The following CCDC81 variants were observed in gnomAD, a reference collection of about 807,000 sequenced individuals.
CCDC81 encodes coiled-coil domain-containing protein 81.
In CCDC81, 79 loss-of-function variants were observed where a neutral mutation model predicts 83.7. The ratio of observed to expected loss-of-function variants is 0.94; its 90% CI spans 0.79 to 1.14. The LOEUF (loss-of-function observed/expected upper bound fraction) is 1.14. Ranked by LOEUF, CCDC81 falls within the 50% of genes most tolerant of loss-of-function variation. The pLI is 0.00. For synonymous variants in CCDC81, 252 were observed against 278.1 expected, an observed-to-expected ratio of 0.91 and a Z score of 0.93; for missense variants, 791 against 778.1, an observed-to-expected ratio of 1.02 and a Z score of -0.20.
chr11:86,395,440 CT>C, intron 5 of CCDC81, 27 bp downstream of exon 5: 1 of 1,581,534 alleles, frequency 6.3e-7, no homozygotes, highest in Non-Finnish European at 8.7e-7. Context: ...ACGGGTTCCT[CT>C]AGGCACTAGC....
intron 1 of CCDC81, among the ~76,000 whole-genome samples, chr11:86,378,726 C>G (rs115288635): frequency 0.045 from 6,807 of 152,216 alleles, 171 homozygotes; most frequent in Middle Eastern, 0.12. Flanking sequence ...ATGTAATGCT[C>G]TTTATTTCTG....
chr11:86,408,390 T>C, intron 9 of CCDC81, 120 bp downstream of exon 9: 1 of 914,592 alleles, frequency 1.1e-6, no homozygotes, highest in South Asian at 2.4e-5. Context: ...TGGAATGCAG[T>C]GGCACAACCT....
At chr11:86,393,985 T>C (rs970185135) in intron 4 of CCDC81, among the ~76,000 whole-genome samples, 2 of 152,186 alleles carry the variant, frequency 1.3e-5, no homozygotes, top group Non-Finnish European at 2.9e-5. Flanking sequence ...ATTTAGGAAA[T>C]GAAGTTGTGC....
intron 5 of CCDC81, 149 bp downstream of exon 5, chr11:86,395,562 G>A: frequency 1.6e-6 from 1 of 631,302 alleles, no homozygotes; most frequent in Non-Finnish European, 2.8e-6. Context: ...CACCAACAAA[G>A]AAGAGTTTAT....
At chr11:86,415,400 C>A in intron 13 of CCDC81, 87 bp downstream of exon 13, 1 of 952,818 alleles carries the variant, frequency 1.0e-6, no homozygotes. Flanking sequence ...GTCCCTGCCC[C>A]TCATCTTTCT....
intron 6 of CCDC81, among the ~76,000 whole-genome samples, chr11:86,400,281 C>A (rs1469419554): frequency 1.3e-5 from 2 of 152,126 alleles, no homozygotes; most frequent in Non-Finnish European, 2.9e-5. Flanking sequence ...GGAGCTCTCA[C>A]TTTTTTGTTT....
intron 7 of CCDC81, among the ~76,000 whole-genome samples, chr11:86,401,662 T>C (rs1199917099): frequency 6.6e-6 from 1 of 152,064 alleles, no homozygotes; most frequent in Non-Finnish European, 1.5e-5. Context: ...GAGTTACAGA[T>C]GTATAAACCT....
At position 86,420,626 on chromosome 11, in the gene CCDC81, CAA is replaced by C. The variant is rs1439537849; in HGVS notation, c.1817+574_1817+575del. Reference sequence around the variant, plus strand: ...ATGTTAAAAATGTGATGAAACAGATCAAGTCTATACAATCAAGTTATTAAAAC... The same window carrying C: ...ATGTTAAAAATGTGATGAAACAGATCGTCTATACAATCAAGTTATTAAAAC... On this transcript the variant is annotated intron_variant, in intron 14 of 14. Transcript: ENST00000445632. Among the ~76,000 whole-genome samples the C allele has an allele frequency of 6.6e-5, 10 of 152,176 alleles. No individual in the cohort carries two copies. The South Asian group carries it at 1.9e-3, about 28-fold the overall frequency.
chr11:86,418,465 G>A (rs1948749325), intron 13 of CCDC81, among the ~76,000 whole-genome samples: 3 of 152,112 alleles, frequency 2.0e-5, no homozygotes, highest in Admixed American at 6.5e-5. Context: ...GGTGTCCACC[G>A]ACAGATGAAT....
intron 3 of CCDC81, among the ~76,000 whole-genome samples, chr11:86,389,371 C>T (rs1417336760): frequency 1.3e-5 from 2 of 152,188 alleles, no homozygotes; most frequent in Admixed American, 6.5e-5. Flanking sequence ...CTGTATTAGT[C>T]TGTTCTCACA....
intron 14 of CCDC81, among the ~76,000 whole-genome samples, chr11:86,422,063 CT>C (rs545777228): frequency 6.6e-6 from 1 of 152,196 alleles, no homozygotes; most frequent in African/African-American, 2.4e-5. Context: ...TTGTCTTCCT[CT>C]TTGTCTCCAC....
At chr11:86,377,540 C>T (rs561217693) in intron 1 of CCDC81, among the ~76,000 whole-genome samples, 1 of 152,128 alleles carries the variant, frequency 6.6e-6, no homozygotes, top group African/African-American at 2.4e-5. Flanking sequence ...TTTGCATTTT[C>T]CTGATGATAA....
intron 14 of CCDC81, 128 bp downstream of exon 14, chr11:86,420,181 A>G (rs1948771817): frequency 2.8e-6 from 3 of 1,065,946 alleles, no homozygotes; most frequent in Non-Finnish European, 2.7e-6. Flanking sequence ...TCTGTATTCC[A>G]TGGGAAATAC....
intron 1 of CCDC81, among the ~76,000 whole-genome samples, chr11:86,377,965 G>GTTGTTTTTTT (rs368831070): frequency 6.7e-5 from 1 of 14,862 alleles, no homozygotes; most frequent in Non-Finnish European, 1.5e-4. Context: ...CTGTGCCTAG[G>GTTGTTTTTTT]TTCTTTTTTT....
At chr11:86,413,023 C>T (rs192894535) in intron 11 of CCDC81, among the ~76,000 whole-genome samples, 2,082 of 152,246 alleles carry the variant, frequency 0.014, 21 homozygotes, top group Middle Eastern at 0.031. Flanking sequence ...AGAATTGGAT[C>T]ACATGTGGGC....
intron 6 of CCDC81, among the ~76,000 whole-genome samples, chr11:86,399,554 G>A (rs1173556406): frequency 6.6e-6 from 1 of 152,058 alleles, no homozygotes; most frequent in Admixed American, 6.5e-5. Flanking sequence ...GAGCTCAAAC[G>A]ATCTGCCCAC....
rs1184452317 is a variant in CCDC81, at chr11:86,387,636, A to C, written c.262A>C (p.Ile88Leu). The C allele has an allele frequency of 2.5e-6, 4 of 1,609,206 alleles. No homozygotes were observed. Among genetic ancestry groups the C allele is most frequent in the Admixed American group, 1.7e-5 (1 of 59,818 alleles). ...VFIMVEKLVQIHGLKQNKVYT... is the reference protein window; with the variant it reads ...VFIMVEKLVQLHGLKQNKVYT... Reference sequence around the variant, plus strand: ...TATCATGGTGGAGAAGCTAGTGCAGATTCATGGACTCAAACAAAACAAAGT... The same window carrying C: ...TATCATGGTGGAGAAGCTAGTGCAGCTTCATGGACTCAAACAAAACAAAGT... The change falls in exon 3 of 15, where the codon ATT (isoleucine) becomes CTT (leucine). Residue 88 changes from isoleucine (I) to leucine (L), a missense_variant. By Grantham distance (5) the Ile-to-Leu change is conservative. Transcript: ENST00000445632.
chr11:86,395,362 C>G lies in CCDC81; in HGVS notation c.584C>G (p.Ser195Cys). The G allele has an allele frequency of 1.2e-6, 2 of 1,614,096 alleles. No homozygotes were observed. Among genetic ancestry groups the G allele is most frequent in the Non-Finnish European group, 1.7e-6 (2 of 1,179,962 alleles). Residue 195 changes from serine to cysteine, a missense_variant, in exon 5 of 15, where the codon TCT becomes TGT. Transcript: ENST00000445632. ...NRPGTVDSVL[S>C]SREALRKWPS... ...CCTGGCACTGTGGACTCGGTGTTGTCTAGCAGAGAGGCCTTGAGGAAGTGG... is the reference window on the plus strand; with the variant it reads ...CCTGGCACTGTGGACTCGGTGTTGTGTAGCAGAGAGGCCTTGAGGAAGTGG...
chr11:86,375,785 T>C (rs1004102840), intron 1 of CCDC81, among the ~76,000 whole-genome samples: 2 of 152,200 alleles, frequency 1.3e-5, no homozygotes, highest in African/African-American at 4.8e-5. Context: ...GTTTTTAGCA[T>C]CGTTTGTAGA....
Sources: allele counts gnomAD v4.1 joint callset (sites outside exome capture counted in the v4.1 genomes callset), GRCh38; gene constraint gnomAD v4.1.1; transcripts MANE v1.5; gene names NCBI Gene and HGNC (gene_info 2026-07-23, HGNC 2026-07-21).